Variants in CDC73 observed in about 807,000 individuals in gnomAD.
The protein encoded by CDC73 is parafibromin.
CDC73 carries 21 observed loss-of-function variants against 83.7 expected under a neutral mutation model. The ratio of observed to expected loss-of-function variants is 0.25; its 90% CI spans 0.18 to 0.36. The LOEUF is 0.36. Ranked by LOEUF, CDC73 falls within the 10% of genes least tolerant of loss-of-function variation. The pLI, the probability that CDC73 is intolerant of heterozygous loss-of-function variation, is 1.00. For synonymous variants in CDC73, 224 were observed against 212.9 expected (o/e 1.05, Z -0.45); for missense variants, 342 against 653.3 (o/e 0.52, Z 5.19).
intron 10 of CDC73, among the ~76,000 whole-genome samples, chr1:193,162,812 T>C (rs1035439419): frequency 1.3e-5 from 2 of 152,212 alleles, no homozygotes; most frequent in South Asian, 4.1e-4. Context: ...TTTTCTACAG[T>C]GTCTTTTTGT....
At chr1:193,230,909 C>A (rs1677653068) in intron 13 of CDC73, among the ~76,000 whole-genome samples, 1 of 152,080 alleles carries the variant, frequency 6.6e-6, no homozygotes, top group Non-Finnish European at 1.5e-5. Flanking sequence ...TTTTTTATTG[C>A]TAATAGAGAT....
At chr1:193,177,718 A>G (rs945759888) in intron 10 of CDC73, among the ~76,000 whole-genome samples, 14 of 152,110 alleles carry the variant, frequency 9.2e-5, no homozygotes, top group Non-Finnish European at 1.9e-4. Context: ...ACAATCAGTA[A>G]ATAGTTTCTA....
At chr1:193,225,403 T>G (rs1677550435) in intron 13 of CDC73, among the ~76,000 whole-genome samples, 1 of 152,112 alleles carries the variant, frequency 6.6e-6, no homozygotes, top group African/African-American at 2.4e-5. Context: ...CATGACTTCT[T>G]TTCTTCTGGG....
At chr1:193,126,461 A>G (rs1162976046) in intron 2 of CDC73, among the ~76,000 whole-genome samples, 1 of 152,230 alleles carries the variant, frequency 6.6e-6, no homozygotes, top group East Asian at 1.9e-4. Context: ...GCAGTATATT[A>G]TAATTGATAA....
At chr1:193,223,629 CTT>C (rs1677510502) in intron 13 of CDC73, among the ~76,000 whole-genome samples, 1 of 152,044 alleles carries the variant, frequency 6.6e-6, no homozygotes, top group African/African-American at 2.4e-5. Flanking sequence ...GGAAGGAACT[CTT>C]ATTAGATTTT....
At chr1:193,240,796 C>T (rs1296725255) in intron 15 of CDC73, among the ~76,000 whole-genome samples, 2 of 152,074 alleles carry the variant, frequency 1.3e-5, no homozygotes, top group African/African-American at 2.4e-5. Flanking sequence ...TTGTTCTTCA[C>T]ATTGTTTATT....
At chr1:193,123,832 T>C (rs181155166) in intron 1 of CDC73, among the ~76,000 whole-genome samples, 2 of 152,338 alleles carry the variant, frequency 1.3e-5, no homozygotes, top group Admixed American at 1.3e-4. Context: ...ATGCTTTCTA[T>C]AAGTTGATGT....
chr1:193,183,936 G>A (rs1676763271), intron 10 of CDC73, among the ~76,000 whole-genome samples: 1 of 151,728 alleles, frequency 6.6e-6, no homozygotes, highest in Admixed American at 6.6e-5. Flanking sequence ...TGAGTTAAAG[G>A]ACTGAGTAAA....
At chr1:193,181,058 C>G in intron 10 of CDC73, 1 of 1,613,932 alleles carries the variant, frequency 6.2e-7, no homozygotes, top group Non-Finnish European at 8.5e-7. Context: ...TGCCGAATAG[C>G]TCTTCTAGCT....
At chr1:193,126,852 C>T (rs917088201) in intron 2 of CDC73, among the ~76,000 whole-genome samples, 2 of 152,114 alleles carry the variant, frequency 1.3e-5, no homozygotes, top group African/African-American at 2.4e-5. Flanking sequence ...TACCTAACAC[C>T]GTTGCTGGAT....
At chr1:193,233,944 C>T (rs934074092) in intron 14 of CDC73, among the ~76,000 whole-genome samples, 2 of 151,566 alleles carry the variant, frequency 1.3e-5, no homozygotes, top group East Asian at 1.9e-4. Flanking sequence ...ATACAGAGAA[C>T]GCAACACATG....
chr1:193,224,432 A>ACACATATGAAATATGCATTCACATATG (rs1677527649), intron 13 of CDC73, among the ~76,000 whole-genome samples: 1 of 151,648 alleles, frequency 6.6e-6, no homozygotes, highest in East Asian at 1.9e-4. Flanking sequence ...ATTCACATAT[A>ACACATATGAAATATGCATTCACATATG]CACATATGAA....
At chr1:193,223,491 A>T (rs975050447) in intron 13 of CDC73, among the ~76,000 whole-genome samples, 1 of 152,048 alleles carries the variant, frequency 6.6e-6, no homozygotes, top group Non-Finnish European at 1.5e-5. Flanking sequence ...GAGATATTTG[A>T]TTTTCCTTGC....
chr1:193,129,767 C>T (rs150408192), intron 2 of CDC73, among the ~76,000 whole-genome samples: 132 of 152,234 alleles, frequency 8.7e-4, no homozygotes, highest in African/African-American at 3.0e-3. Context: ...CCCACCTCAG[C>T]CTCCCAAAGT....
intron 10 of CDC73, among the ~76,000 whole-genome samples, chr1:193,201,394 CTTAA>C (rs1217066618): frequency 2.6e-5 from 4 of 152,180 alleles, no homozygotes; most frequent in Admixed American, 6.5e-5. Flanking sequence ...TGCGTTATAG[CTTAA>C]TTCTCTCTTT....
intron 10 of CDC73, among the ~76,000 whole-genome samples, chr1:193,178,255 T>C (rs775979856): frequency 3.9e-5 from 6 of 152,158 alleles, no homozygotes; most frequent in Non-Finnish European, 7.4e-5. Context: ...GTGTCTGATA[T>C]CAGATTACTA....
At chr1:193,143,713 C>T (rs1358198614) in intron 7 of CDC73, among the ~76,000 whole-genome samples, 1 of 152,008 alleles carries the variant, frequency 6.6e-6, no homozygotes. Context: ...TAAAAAAATA[C>T]CCTTAGGTAC....
chr1:193,159,751 C>T (rs1246608366), intron 10 of CDC73, among the ~76,000 whole-genome samples: 5 of 152,156 alleles, frequency 3.3e-5, no homozygotes, highest in East Asian at 3.9e-4. Flanking sequence ...ATTTTGTAAA[C>T]GTTTTATACT....
intron 10 of CDC73, among the ~76,000 whole-genome samples, chr1:193,193,025 G>A (rs1676945142): frequency 6.6e-6 from 1 of 152,168 alleles, no homozygotes; most frequent in African/African-American, 2.4e-5. Flanking sequence ...GGCCTTCCAA[G>A]AAGGTTTGCT....
Sources: gnomAD v4.1 joint callset for allele counts (sites outside exome capture counted in the v4.1 genomes callset) on GRCh38, gnomAD v4.1.1 for gene constraint, MANE v1.5 for transcripts, NCBI Gene and HGNC (gene_info 2026-07-23, HGNC 2026-07-21) for gene names.